SDK1: variants seen among roughly 807,000 people sequenced by gnomAD.
The protein encoded by SDK1 is protein sidekick-1.
Under a neutral mutation model 245.5 loss-of-function variants are expected in SDK1, and 157 were observed. The ratio of observed to expected loss-of-function variants is 0.64; its 90% CI spans 0.56 to 0.73. SDK1 has a LOEUF of 0.73. SDK1 is among the 30% of genes least tolerant of loss of function. The probability of loss-of-function intolerance (pLI) is 0.00; values close to 1 mark genes in which losing one functional copy is unlikely to be tolerated. For synonymous variants in SDK1, 1,647 were observed against 1,278.5 expected (o/e 1.29, Z -6.15); for missense variants, 3,583 against 3,002.3 (o/e 1.19, Z -4.52).
At chr7:3,679,354 C>T (rs569506158) in intron 4 of SDK1, among the ~76,000 whole-genome samples, 8 of 152,020 alleles carry the variant, frequency 5.3e-5, no homozygotes, top group East Asian at 3.9e-4. Flanking sequence ...ATCACGAGGT[C>T]GGGAGATCGA....
intron 4 of SDK1, among the ~76,000 whole-genome samples, chr7:3,734,243 A>G (rs969937857): frequency 2.8e-4 from 43 of 152,334 alleles, no homozygotes; most frequent in Middle Eastern, 3.4e-3. Context: ...TGCCAGGCCT[A>G]TTAGCAGAGA....
At chr7:3,678,054 G>A (rs1213033478) in intron 4 of SDK1, among the ~76,000 whole-genome samples, 2 of 152,188 alleles carry the variant, frequency 1.3e-5, no homozygotes, top group Non-Finnish European at 2.9e-5. Context: ...AGCAGGTCAT[G>A]ACATTAACAG....
At position 4,235,375 on chromosome 7, in the gene SDK1, G is replaced by A. The variant is rs919955480; in HGVS notation, c.5992+1956G>A. 1.1e-3 allele frequency among the ~76,000 whole-genome samples: 174 copies of A among 152,150 alleles called. 3 individuals are homozygous for A. Among genetic ancestry groups the A allele is most frequent in the Non-Finnish European group, 6.3e-4 (43 of 68,016 alleles). On this transcript the variant is annotated intron_variant, in intron 41 of 44. Coordinates refer to ENST00000404826, the MANE Select transcript of SDK1 (RefSeq NM_152744.4). ...TACAGGGTTTCACCCTGTTGGCCAGGCTGGTCTCGAACTCCTGACCTCAAG... is the reference window on the plus strand; with the variant it reads ...TACAGGGTTTCACCCTGTTGGCCAGACTGGTCTCGAACTCCTGACCTCAAG...
chr7:3,668,005 A>T (rs541944201), intron 4 of SDK1, among the ~76,000 whole-genome samples: 1 of 152,272 alleles, frequency 6.6e-6, no homozygotes, highest in South Asian at 2.1e-4. Flanking sequence ...TTAACTTTAT[A>T]AGAAACTTAT....
In SDK1 at chr7:4,268,031, G is replaced by A; in HGVS notation, c.*2647G>A. On this transcript the variant is annotated 3_prime_UTR_variant, in exon 45 of 45. Coordinates refer to ENST00000404826, the MANE Select transcript of SDK1 (RefSeq NM_152744.4). The stretch of plus-strand genomic sequence containing the variant: ...GAAAATCACAGCCTAGGAAGATGGA[G>A]GTTGGATTTTAATCTCGGTTTTAAA... 2 of 985,440 alleles carry A rather than the reference G, an allele frequency of 2.0e-6. No homozygotes were observed. Among genetic ancestry groups the A allele is most frequent in the Non-Finnish European group, 2.4e-6 (2 of 829,926 alleles). The allele number at this position is 985,440 out of a possible 1,614,324, so 61.0% of individuals were successfully genotyped here. A position where few individuals can be genotyped will look rare whatever the true frequency, so the allele number is the denominator to read the frequency against.
chr7:4,124,544 G>A (rs1176266237), intron 25 of SDK1, among the ~76,000 whole-genome samples: 2 of 152,178 alleles, frequency 1.3e-5, no homozygotes, highest in East Asian at 1.9e-4. Flanking sequence ...CAGTATGACC[G>A]CATCTTAACG....
At chr7:3,888,052 T>G (rs1781377747) in intron 5 of SDK1, among the ~76,000 whole-genome samples, 1 of 152,216 alleles carries the variant, frequency 6.6e-6, no homozygotes, top group African/African-American at 2.4e-5. Flanking sequence ...TTAAATATGT[T>G]TCAGTCAAAA....
intron 40 of SDK1, among the ~76,000 whole-genome samples, chr7:4,231,737 G>A (rs369684357): frequency 5.3e-5 from 8 of 152,262 alleles, no homozygotes; most frequent in Admixed American, 4.6e-4. Flanking sequence ...GTGACTGTAA[G>A]GACTTAGTCG....
In SDK1 at chr7:4,268,786, A is replaced by C. The variant is rs1486659307; in HGVS notation, c.*3402A>C. On this transcript the variant is annotated 3_prime_UTR_variant, in exon 45 of 45. Coordinates refer to ENST00000404826, the MANE Select transcript of SDK1 (RefSeq NM_152744.4). ...GTCTGAAAGGTGAGGACAACGTGGAAACTCATGAGCTGAGCCTGCCCGCTG... is the reference window on the plus strand; with the variant it reads ...GTCTGAAAGGTGAGGACAACGTGGACACTCATGAGCTGAGCCTGCCCGCTG... 7.4e-7 allele frequency: 1 copy of C among 1,354,702 alleles called. No individual in the cohort carries two copies. The highest frequency in any genetic ancestry group is 9.9e-7 in the Non-Finnish European group (1 of 1,010,302). 83.9% of individuals were successfully genotyped at this position (1,354,702 alleles called of 1,614,324 possible). A position where few individuals can be genotyped will look rare whatever the true frequency, so the allele number is the denominator to read the frequency against.
intron 40 of SDK1, among the ~76,000 whole-genome samples, chr7:4,230,945 G>C (rs1434339248): frequency 1.3e-5 from 2 of 152,138 alleles, no homozygotes; most frequent in African/African-American, 4.8e-5. Context: ...ATTCCCTGAT[G>C]GATGGCACAG....
In SDK1 at chr7:4,114,247, G is replaced by A. The variant is rs764322622; in HGVS notation, c.3796G>A (p.Val1266Met). The change falls in exon 25 of 45, where the codon GTG (valine) becomes ATG (methionine). Residue 1266 changes from valine (V) to methionine (M), a missense_variant. Coordinates refer to ENST00000404826, the MANE Select transcript of SDK1 (RefSeq NM_152744.4). ...CGTCGGGGCTGGGCCGTGGAGCGAG[G>A]TGGTGCGGGGCCGGACGCGGGAGTC... ...NAVGAGPWSEVVRGRTRESVP... is the reference protein window; with the variant it reads ...NAVGAGPWSEMVRGRTRESVP... 2 of 1,611,110 alleles carry A rather than the reference G, an allele frequency of 1.2e-6. No homozygotes were observed. Among genetic ancestry groups the A allele is most frequent in the African/African-American group, 2.7e-5 (2 of 74,874 alleles).
intron 41 of SDK1, among the ~76,000 whole-genome samples, chr7:4,234,300 C>A (rs1000948894): frequency 2.0e-5 from 3 of 152,184 alleles, no homozygotes; most frequent in Non-Finnish European, 2.9e-5. Flanking sequence ...CTCCAGAGGC[C>A]ACCCTGGGTC....
intron 4 of SDK1, among the ~76,000 whole-genome samples, chr7:3,764,439 A>C (rs1780193015): frequency 6.6e-6 from 1 of 152,164 alleles, no homozygotes; most frequent in Non-Finnish European, 1.5e-5. Flanking sequence ...TAATCCCAAC[A>C]CTTTGGGAGG....
chr7:3,836,324 A>G (rs1780027200), intron 5 of SDK1, among the ~76,000 whole-genome samples: 1 of 152,224 alleles, frequency 6.6e-6, no homozygotes, highest in Admixed American at 6.5e-5. Context: ...TAAGTCACAT[A>G]TATAACTTAT....
chr7:3,936,048 C>T (rs912287984), intron 5 of SDK1, among the ~76,000 whole-genome samples: 3 of 152,178 alleles, frequency 2.0e-5, no homozygotes, highest in Admixed American at 1.3e-4. Context: ...CAGTGGAATA[C>T]GATTCATTCT....
chr7:3,431,156 G>A (rs1049138697), intron 1 of SDK1, among the ~76,000 whole-genome samples: 11 of 151,968 alleles, frequency 7.2e-5, no homozygotes, highest in South Asian at 2.1e-4. Context: ...TTGCCTCAGC[G>A]TCCCAAAGTG....
At chr7:3,418,273 C>G (rs1046201611) in intron 1 of SDK1, among the ~76,000 whole-genome samples, 2 of 151,814 alleles carry the variant, frequency 1.3e-5, no homozygotes, top group South Asian at 2.1e-4. Flanking sequence ...GCCGAGATTG[C>G]GCCATTGCAC....
intron 5 of SDK1, among the ~76,000 whole-genome samples, chr7:3,901,005 A>G (rs1265059538): frequency 1.3e-5 from 2 of 152,082 alleles, no homozygotes; most frequent in Non-Finnish European, 2.9e-5. Flanking sequence ...ATTAAGGATT[A>G]TTTACTGTCT....
At chr7:3,846,592 A>C (rs939357811) in intron 5 of SDK1, among the ~76,000 whole-genome samples, 7 of 152,138 alleles carry the variant, frequency 4.6e-5, no homozygotes, top group African/African-American at 1.4e-4. Flanking sequence ...CTCTCTAAAC[A>C]TATGTATGTG....
Sources: allele counts gnomAD v4.1 joint callset (sites outside exome capture counted in the v4.1 genomes callset), GRCh38; gene constraint gnomAD v4.1.1; transcripts MANE v1.5; gene names NCBI Gene and HGNC (gene_info 2026-07-23, HGNC 2026-07-21).